Variants in NPAS3 observed in about 807,000 individuals in gnomAD.
NPAS3 encodes neuronal PAS domain protein 3, also known as neuronal PAS domain-containing protein 3.
In NPAS3, 14 loss-of-function variants were observed where a neutral mutation model predicts 73.1. That is an observed-to-expected ratio of 0.19 (90% CI 0.13 to 0.30). The LOEUF (loss-of-function observed/expected upper bound fraction) is 0.30. Among genes scored for constraint, NPAS3 ranks in the 10% least tolerant of loss-of-function variants. The pLI, the probability that NPAS3 is intolerant of heterozygous loss-of-function variation, is 1.00. For synonymous variants in NPAS3, 620 were observed against 541.5 expected (o/e 1.14, Z -2.01); for missense variants, 1,096 against 1,250.0 (o/e 0.88, Z 1.86).
intron 3 of NPAS3, among the ~76,000 whole-genome samples, chr14:33,301,124 T>C (rs1350720969): frequency 6.6e-6 from 1 of 151,598 alleles, no homozygotes; most frequent in Non-Finnish European, 1.5e-5. Flanking sequence ...GGTCTCCTAC[T>C]GAAGGTTCAC....
At chr14:33,249,596 C>G (rs1253460270) in intron 3 of NPAS3, among the ~76,000 whole-genome samples, 1 of 152,048 alleles carries the variant, frequency 6.6e-6, no homozygotes, top group Non-Finnish European at 1.5e-5. Context: ...TTCCTTCTTC[C>G]TGGGGACCTG....
chr14:33,053,942 A>C (rs2040797570), intron 1 of NPAS3, among the ~76,000 whole-genome samples: 1 of 152,186 alleles, frequency 6.6e-6, no homozygotes, highest in African/African-American at 2.4e-5. Context: ...TTTAGAGCAA[A>C]ATATAAGAAA....
intron 3 of NPAS3, among the ~76,000 whole-genome samples, chr14:33,349,789 G>A (rs1006140885): frequency 6.6e-6 from 1 of 152,232 alleles, no homozygotes; most frequent in Non-Finnish European, 1.5e-5. Flanking sequence ...TGAGCTTCCT[G>A]TGTTGGATCC....
At chr14:33,206,153 T>C (rs1049021690) in intron 2 of NPAS3, among the ~76,000 whole-genome samples, 1 of 152,178 alleles carries the variant, frequency 6.6e-6, no homozygotes, top group Non-Finnish European at 1.5e-5. Context: ...AGTGACTTAA[T>C]TGTCATATAA....
intron 3 of NPAS3, among the ~76,000 whole-genome samples, chr14:33,332,789 C>T (rs1184208449): frequency 1.3e-5 from 2 of 152,174 alleles, no homozygotes; most frequent in East Asian, 3.9e-4. Context: ...AGGTGCCAAG[C>T]AAACACGGGT....
At chr14:33,406,862 A>G (rs943489858) in intron 4 of NPAS3, among the ~76,000 whole-genome samples, 3 of 152,072 alleles carry the variant, frequency 2.0e-5, no homozygotes, top group African/African-American at 7.2e-5. Context: ...AGACCCTTCT[A>G]ATGGTTTGTT....
At chr14:32,982,166 G>T (rs945973104) in intron 1 of NPAS3, among the ~76,000 whole-genome samples, 2 of 152,116 alleles carry the variant, frequency 1.3e-5, no homozygotes, top group African/African-American at 4.8e-5. Flanking sequence ...ACTTCTTTAC[G>T]GCGTGATTTC....
chr14:33,578,737 C>T (rs1164744040), intron 5 of NPAS3, among the ~76,000 whole-genome samples: 1 of 152,144 alleles, frequency 6.6e-6, no homozygotes, highest in Non-Finnish European at 1.5e-5. Flanking sequence ...CTTTAATCAA[C>T]CAAGAGGAGG....
At chr14:33,426,992 G>A (rs770319472) in intron 4 of NPAS3, among the ~76,000 whole-genome samples, 21 of 151,942 alleles carry the variant, frequency 1.4e-4, no homozygotes, top group Non-Finnish European at 2.9e-5. Flanking sequence ...CTTTACTGAT[G>A]GATAACACTT....
intron 2 of NPAS3, among the ~76,000 whole-genome samples, chr14:33,167,833 T>C (rs1595593114): frequency 6.6e-6 from 1 of 152,338 alleles, no homozygotes; most frequent in East Asian, 1.9e-4. Context: ...TTTACGATGA[T>C]ATTTGCAGCA....
At chr14:33,138,591 C>T (rs568532693) in intron 2 of NPAS3, among the ~76,000 whole-genome samples, 1 of 152,172 alleles carries the variant, frequency 6.6e-6, no homozygotes, top group Admixed American at 6.5e-5. Flanking sequence ...CAGAGAGATA[C>T]AAAACATCTA....
At chr14:33,109,310 G>C (rs980691927) in intron 2 of NPAS3, among the ~76,000 whole-genome samples, 1 of 152,084 alleles carries the variant, frequency 6.6e-6, no homozygotes, top group African/African-American at 2.4e-5. Context: ...CTGTAAAATG[G>C]GGGTGATACT....
intron 3 of NPAS3, among the ~76,000 whole-genome samples, chr14:33,332,683 T>C (rs1118592): frequency 0.89 from 135,915 of 152,232 alleles, 60,932 homozygotes; most frequent in African/African-American, 0.98. Context: ...GCTTCCGATT[T>C]TTCTACATGG....
intron 5 of NPAS3, among the ~76,000 whole-genome samples, chr14:33,671,955 G>A (rs910796648): frequency 6.6e-6 from 1 of 152,156 alleles, no homozygotes; most frequent in African/African-American, 2.4e-5. Context: ...CATAATTAAG[G>A]ATTGAAGACA....
chr14:33,354,849 T>G (rs73258851), intron 3 of NPAS3, among the ~76,000 whole-genome samples: 5,576 of 152,284 alleles, frequency 0.037, 121 homozygotes, highest in African/African-American at 0.059. Flanking sequence ...CGGTCTTACT[T>G]AGTTACTAGG....
chr14:33,027,733 A>G (rs1173955118), intron 1 of NPAS3, among the ~76,000 whole-genome samples: 1 of 152,124 alleles, frequency 6.6e-6, no homozygotes, highest in Non-Finnish European at 1.5e-5. Flanking sequence ...CTTCTATGCT[A>G]CCCTTTAATA....
At chr14:33,404,443 T>A (rs1794096800) in intron 4 of NPAS3, among the ~76,000 whole-genome samples, 1 of 152,148 alleles carries the variant, frequency 6.6e-6, no homozygotes, top group Non-Finnish European at 1.5e-5. Context: ...TCTTTATTAA[T>A]CAAAATTCTG....
chr14:33,037,852 A>G (rs2040221624), intron 1 of NPAS3, among the ~76,000 whole-genome samples: 1 of 152,186 alleles, frequency 6.6e-6, no homozygotes, highest in African/African-American at 2.4e-5. Context: ...ACTCTATTAA[A>G]TTGATGTTCT....
At chr14:33,022,631 C>T (rs998723557) in intron 1 of NPAS3, among the ~76,000 whole-genome samples, 1 of 144,196 alleles carries the variant, frequency 6.9e-6, no homozygotes, top group Non-Finnish European at 1.5e-5. Context: ...CGCCACCGCA[C>T]TCCAGCCTGG....
Sources: allele counts gnomAD v4.1 joint callset (sites outside exome capture counted in the v4.1 genomes callset), GRCh38; gene constraint gnomAD v4.1.1; transcripts MANE v1.5; gene names NCBI Gene and HGNC (gene_info 2026-07-23, HGNC 2026-07-21).